Variants in CAPS2 observed in about 807,000 individuals in gnomAD.
CAPS2 encodes the protein calcyphosin-2.
In CAPS2, 98 loss-of-function variants were observed where a neutral mutation model predicts 86.5. The ratio of observed to expected loss-of-function variants is 1.13; its 90% CI spans 0.96 to 1.34. The LOEUF (loss-of-function observed/expected upper bound fraction) is 1.34. Among genes scored for constraint, CAPS2 ranks in the 40% most tolerant of loss-of-function variants. The pLI is 0.00. For synonymous variants in CAPS2, 210 were observed against 225.1 expected (o/e 0.93, Z 0.60); for missense variants, 729 against 686.8 (o/e 1.06, Z -0.69).
At chr12:75,344,478 T>C (rs2042319483) in intron 1 of CAPS2, among the ~76,000 whole-genome samples, 1 of 152,170 alleles carries the variant, frequency 6.6e-6, no homozygotes, top group South Asian at 2.1e-4. Flanking sequence ...TTTAATATTT[T>C]TACATCTTCA....
Position 75,291,480 on chromosome 12 carries a change from CATATATATATATATATATATATATAT to C in CAPS2, c.1240+238_1240+263del, listed in dbSNP as rs556770226. ...GTTTAGAAATCCTAAACAATAAAAG[CATATATATATATATATATATATATAT>C]ATATATATATATATATAGCTTATTT... On this transcript the variant is annotated intron_variant, in intron 13 of 16. Transcript: ENST00000393284. Among the ~76,000 whole-genome samples, 67 of 18,636 alleles carry C rather than the reference CATATATATATATATATATATATATAT, an allele frequency of 3.6e-3. 2 individuals are homozygous for C. The highest frequency in any genetic ancestry group is 0.022 in the East Asian group (6 of 272). 12.2% of individuals were successfully genotyped at this position (18,636 alleles called of 152,430 possible).
At chr12:75,384,377 C>T (rs1365388374) in intron 1 of CAPS2, among the ~76,000 whole-genome samples, 1 of 152,130 alleles carries the variant, frequency 6.6e-6, no homozygotes, top group Non-Finnish European at 1.5e-5. Flanking sequence ...CTGTGAACAA[C>T]TCCACACCCA....
chr12:75,306,244 C>A, intron 7 of CAPS2: 1 of 643,470 alleles, frequency 1.6e-6, no homozygotes, highest in Non-Finnish European at 2.8e-6. Flanking sequence ...ACATGCAAAT[C>A]ATGGAGTTCC....
chr12:75,309,653 T>C (rs2038933168), intron 7 of CAPS2, among the ~76,000 whole-genome samples: 1 of 152,262 alleles, frequency 6.6e-6, no homozygotes, highest in African/African-American at 2.4e-5. Flanking sequence ...TATGAATTTA[T>C]TGAGTTATTT....
intron 1 of CAPS2, among the ~76,000 whole-genome samples, chr12:75,385,595 G>A (rs561912963): frequency 1.7e-4 from 26 of 152,180 alleles, no homozygotes; most frequent in African/African-American, 4.8e-4. Context: ...ACTTCATACT[G>A]GAAATCCTTG....
intron 4 of CAPS2, among the ~76,000 whole-genome samples, chr12:75,322,619 G>C (rs1186537531): frequency 1.1e-4 from 16 of 152,106 alleles, no homozygotes; most frequent in Admixed American, 9.8e-4. Flanking sequence ...GAGACAATCT[G>C]GAATGAGCAT....
intron 11 of CAPS2, among the ~76,000 whole-genome samples, chr12:75,297,938 A>G (rs542710317): frequency 6.6e-6 from 1 of 152,134 alleles, no homozygotes; most frequent in East Asian, 1.9e-4. Flanking sequence ...CTAGGCCATC[A>G]CCCCTCCTAT....
At chr12:75,318,595 C>T (rs2040005313) in intron 5 of CAPS2, among the ~76,000 whole-genome samples, 1 of 152,054 alleles carries the variant, frequency 6.6e-6, no homozygotes, top group African/African-American at 2.4e-5. Context: ...GACTAGCCTG[C>T]TCCTCAGGTG....
chr12:75,298,565 C>G (rs544780343), intron 11 of CAPS2, 122 bp downstream of exon 11: 7 of 683,704 alleles, frequency 1.0e-5, no homozygotes, highest in East Asian at 5.4e-5. Context: ...CACAAATGAC[C>G]CTGTTCAGGA....
chr12:75,326,390 A>G, intron 1 of CAPS2, 28 bp downstream of exon 2: 1 of 902,422 alleles, frequency 1.1e-6, no homozygotes, highest in Non-Finnish European at 1.7e-6. Context: ...TCATCCTGAA[A>G]GAAGAAAATT....
chr12:75,367,514 CGTCGTGT>C (rs2044058140), intron 1 of CAPS2, among the ~76,000 whole-genome samples: 2 of 151,886 alleles, frequency 1.3e-5, no homozygotes, highest in Admixed American at 1.3e-4. Context: ...TCCATCTCCA[CGTCGTGT>C]ACCACAGGAA....
intron 11 of CAPS2, among the ~76,000 whole-genome samples, chr12:75,294,810 C>T (rs1441112407): frequency 6.6e-6 from 1 of 152,064 alleles, no homozygotes; most frequent in East Asian, 1.9e-4. Context: ...ATGCTCATTG[C>T]CTACATCCCT....
intron 1 of CAPS2, among the ~76,000 whole-genome samples, chr12:75,347,120 A>G (rs2042505716): frequency 6.6e-6 from 1 of 151,844 alleles, no homozygotes; most frequent in African/African-American, 2.4e-5. Flanking sequence ...ATCTTTGAAA[A>G]TCAACTCAAT....
chr12:75,282,617 C>T (rs1307290675), intron 15 of CAPS2, among the ~76,000 whole-genome samples: 2 of 152,080 alleles, frequency 1.3e-5, no homozygotes, highest in African/African-American at 4.8e-5. Flanking sequence ...AAATTCCTAA[C>T]CTCAGGTGAC....
upstream of CAPS2, among the ~76,000 whole-genome samples, chr12:75,327,214 C>T (rs371591651): frequency 6.6e-6 from 1 of 152,188 alleles, no homozygotes; most frequent in Non-Finnish European, 1.5e-5. Context: ...ACCACCATGA[C>T]ATATACATTT....
upstream of CAPS2, among the ~76,000 whole-genome samples, chr12:75,330,580 A>T (rs1480304631): frequency 1.3e-5 from 2 of 152,174 alleles, no homozygotes; most frequent in African/African-American, 4.8e-5. Context: ...TATTTTTTTT[A>T]AAGACTGTAA....
At chr12:75,369,711 G>C (rs188028916) in intron 1 of CAPS2, 1 of 985,050 alleles carries the variant, frequency 1.0e-6, no homozygotes, top group Admixed American at 6.2e-5. Flanking sequence ...AGCTTTTTCT[G>C]GTTTTGACTT....
intron 7 of CAPS2, among the ~76,000 whole-genome samples, chr12:75,309,785 T>A (rs1003230686): frequency 9.2e-5 from 14 of 152,210 alleles, no homozygotes; most frequent in Admixed American, 7.9e-4. Flanking sequence ...AGATATTTTT[T>A]AAACCCCCAA....
chr12:75,284,815 A>G, intron 15 of CAPS2, 146 bp downstream of exon 15: 1 of 622,698 alleles, frequency 1.6e-6, no homozygotes, highest in African/African-American at 1.9e-5. Context: ...ATTTGTATGC[A>G]TATGGACCTG....
Sources: allele counts gnomAD v4.1 joint callset (sites outside exome capture counted in the v4.1 genomes callset), GRCh38; gene constraint gnomAD v4.1.1; transcripts MANE v1.5; gene names NCBI Gene and HGNC (gene_info 2026-07-23, HGNC 2026-07-21).